Variants in ABCC9 observed in about 807,000 individuals in gnomAD.
The protein encoded by ABCC9 is ATP-binding cassette sub-family C member 9.
In ABCC9, 95 loss-of-function variants were observed where a neutral mutation model predicts 188.3. The observed-to-expected ratio is 0.50, with a 90% CI of 0.43 to 0.60. The LOEUF (loss-of-function observed/expected upper bound fraction) is 0.60. Ranked by LOEUF, ABCC9 falls within the 20% of genes least tolerant of loss-of-function variation. The pLI is 0.00. For missense variants in ABCC9, 1,102 were observed against 1,876.3 expected, an observed-to-expected ratio of 0.59 and a Z score of 7.62; for synonymous variants, 659 against 652.7, an observed-to-expected ratio of 1.01 and a Z score of -0.15.
chr12:21,912,485 A>G (rs1592217167), intron 8 of ABCC9, among the ~76,000 whole-genome samples: 1 of 152,152 alleles, frequency 6.6e-6, no homozygotes, highest in South Asian at 2.1e-4. Flanking sequence ...TCACATTGCT[A>G]GTATTATTGG....
chr12:21,799,998 T>C lies in ABCC9; in HGVS notation c.*1046A>G, dbSNP rs545746533. On this transcript the variant is annotated 3_prime_UTR_variant, in exon 40 of 40. Coordinates refer to ENST00000261200, the MANE Select transcript of ABCC9 (RefSeq NM_020297.4). ...ACATTAAAATTAGAGCAGGAGCAAA[T>C]GATCATGTGTGACACCATTGGGCAT... 6.6e-6 allele frequency: 1 copy of C among 152,324 alleles called. No individual in the cohort carries two copies. The highest frequency in any genetic ancestry group is 2.4e-5 in the African/African-American group (1 of 41,584). The allele number at this position is 152,324 out of a possible 1,614,324, so 9.4% of individuals were successfully genotyped here.
chr12:21,916,633 A>T (rs573782170), intron 6 of ABCC9, among the ~76,000 whole-genome samples: 3 of 152,214 alleles, frequency 2.0e-5, no homozygotes, highest in South Asian at 4.1e-4. Context: ...GAGACCAATC[A>T]TGGATGATTG....
intron 12 of ABCC9, among the ~76,000 whole-genome samples, chr12:21,896,980 T>C (rs182204757): frequency 6.6e-6 from 1 of 152,316 alleles, no homozygotes; most frequent in East Asian, 1.9e-4. Flanking sequence ...GTTCTAGGTT[T>C]TTGAGAAATC....
In ABCC9 at chr12:21,812,063, G is replaced by GA. The variant is rs730880370; in HGVS notation, c.4196dup (p.Ser1400GlnfsTer5). The GA allele has an allele frequency of 1.9e-5, 30 of 1,607,122 alleles. No homozygotes were observed. The highest frequency in any genetic ancestry group is 2.4e-5 in the Non-Finnish European group (28 of 1,173,958). Reference sequence around the variant, plus strand: ...ATGTTACCTACCTAATGGAACCACTGAATAGTATTGGATCCTGCAGAATGA... The same window carrying GA: ...ATGTTACCTACCTAATGGAACCACTGAAATAGTATTGGATCCTGCAGAATGA... On this transcript the variant is annotated frameshift_variant, in exon 36 of 40. Coordinates refer to ENST00000261200, the MANE Select transcript of ABCC9 (RefSeq NM_020297.4). LOFTEE classifies it high-confidence loss of function.
At chr12:21,810,677 A>G (rs555984270) in intron 36 of ABCC9, among the ~76,000 whole-genome samples, 1 of 152,288 alleles carries the variant, frequency 6.6e-6, no homozygotes, top group African/African-American at 2.4e-5. Context: ...CCCTCCCATG[A>G]CACTTGAGGA....
intron 31 of ABCC9, among the ~76,000 whole-genome samples, chr12:21,823,154 T>A (rs1024152651): frequency 5.3e-5 from 8 of 152,168 alleles, no homozygotes; most frequent in African/African-American, 1.9e-4. Context: ...TTATCTACAT[T>A]CAAAAGAGGG....
intron 30 of ABCC9, among the ~76,000 whole-genome samples, chr12:21,832,331 A>T (rs1222443313): frequency 1.3e-5 from 2 of 152,170 alleles, no homozygotes; most frequent in Admixed American, 1.3e-4. Flanking sequence ...TTAACTTTCC[A>T]AAGAGTTCAA....
chr12:21,807,111 G>T (rs1206029800), intron 38 of ABCC9, among the ~76,000 whole-genome samples: 1 of 152,098 alleles, frequency 6.6e-6, no homozygotes, highest in Non-Finnish European at 1.5e-5. Context: ...TTTTCAAAAA[G>T]TTGTGGCAAA....
Position 21,936,694 on chromosome 12 carries a change from T to C in ABCC9, c.-20A>G. On this transcript the variant is annotated splice_region_variant and 5_prime_UTR_variant, in exon 3 of 40. Transcript: ENST00000261200. ...GCTCATTTCTTCTTATATGGTTTAC[T>C]CTAAAAGGGAGAGAAATGAGAAAGA... 2 of 1,595,282 alleles carry C rather than the reference T, an allele frequency of 1.3e-6. No homozygotes were observed. Among genetic ancestry groups the C allele is most frequent in the Non-Finnish European group, 1.7e-6 (2 of 1,164,974 alleles).
In ABCC9 at chr12:21,809,936, AC is replaced by A; in HGVS notation, c.4230del (p.Glu1410AspfsTer13). 6.2e-7 allele frequency: 1 copy of A among 1,610,912 alleles called. No individual in the cohort carries two copies. The highest frequency in any genetic ancestry group is 8.5e-7 in the Non-Finnish European group (1 of 1,177,996). ...CAGAGTCTGTCATCTGTGCATTTGC[AC>A]TCTGGATCTAAATTAAATCTGTAGG... ...SGSIRFNLDP[E>X]CKCTDDRLWE... On this transcript the variant is annotated frameshift_variant, in exon 37 of 40. Coordinates refer to ENST00000261200, the MANE Select transcript of ABCC9 (RefSeq NM_020297.4). LOFTEE classifies it high-confidence loss of function.
chr12:21,914,208 C>G (rs992384156), intron 7 of ABCC9, among the ~76,000 whole-genome samples: 3 of 152,096 alleles, frequency 2.0e-5, no homozygotes, highest in Non-Finnish European at 2.9e-5. Context: ...GCTGTTTTAC[C>G]ATACTCTATT....
chr12:21,828,697 C>T, intron 31 of ABCC9: 1 of 458,444 alleles, frequency 2.2e-6, no homozygotes, highest in Non-Finnish European at 4.0e-6. Flanking sequence ...CAAATATTTG[C>T]CATTCCATTA....
At chr12:21,848,951 T>A (rs1944823821) in intron 24 of ABCC9, among the ~76,000 whole-genome samples, 1 of 152,146 alleles carries the variant, frequency 6.6e-6, no homozygotes, top group African/African-American at 2.4e-5. Flanking sequence ...GGTAGAATCA[T>A]TTCATTTTCT....
At chr12:21,928,362 A>C (rs1407972186) in intron 4 of ABCC9, among the ~76,000 whole-genome samples, 3 of 149,024 alleles carry the variant, frequency 2.0e-5, no homozygotes, top group African/African-American at 5.0e-5. Context: ...GAAAGAAAGA[A>C]AGAAAAAGAA....
At position 21,829,040 on chromosome 12, in the gene ABCC9, T is replaced by G; in HGVS notation, c.3587A>C (p.Gln1196Pro). The G allele has an allele frequency of 6.2e-7, 1 of 1,614,078 alleles. No homozygotes were observed. The highest frequency in any genetic ancestry group is 8.5e-7 in the Non-Finnish European group (1 of 1,179,954). Reference protein sequence around the residue: ...RAFRHETRFKQRMLELTDTNN... With the variant: ...RAFRHETRFKPRMLELTDTNN... ...TGTATCCGTCAGTTCCAGCATACGT[T>G]GTTTAAATCTGGTTTCATGCCTGCA... is the stretch of plus-strand genomic sequence containing the variant. Residue 1196 changes from glutamine to proline, a missense_variant, in exon 31 of 40, where the codon CAA becomes CCA. This residue lies in a region of ABCC9 where 143 missense variants were observed against 225.6 expected (regional missense o/e 0.63). Coordinates refer to ENST00000261200, the MANE Select transcript of ABCC9 (RefSeq NM_020297.4).
intron 24 of ABCC9, 120 bp from the exon 25 acceptor site, chr12:21,848,366 C>T (rs1944792145): frequency 2.4e-6 from 2 of 831,864 alleles, no homozygotes; most frequent in Non-Finnish European, 4.0e-6. Flanking sequence ...GCTCTGTGCT[C>T]ACTCTGGAGA....
At chr12:21,812,244 T>A (rs1478731580) in intron 35 of ABCC9, 87 bp from the exon 36 acceptor site, 2 of 1,059,550 alleles carry the variant, frequency 1.9e-6, no homozygotes, top group African/African-American at 3.2e-5. Flanking sequence ...TATTTCTTAG[T>A]TAGGGGTTGA....
chr12:21,845,908 A>G (rs1025704509), intron 25 of ABCC9, 76 bp from the exon 26 acceptor site: 8 of 1,047,732 alleles, frequency 7.6e-6, no homozygotes, highest in Non-Finnish European at 1.0e-5. Context: ...CACAAATAGT[A>G]TATAAACATT....
intron 39 of ABCC9, chr12:21,805,065 T>C: frequency 6.6e-7 from 1 of 1,520,432 alleles, no homozygotes; most frequent in Middle Eastern, 1.7e-4. Context: ...GTTAGTTCCC[T>C]CATCTCAGCC....
Sources: gnomAD v4.1 joint callset for allele counts (sites outside exome capture counted in the v4.1 genomes callset) on GRCh38, gnomAD v4.1.1 for gene constraint, gnomAD v4.1.1 regional missense constraint, MANE v1.5 for transcripts, NCBI Gene and HGNC (gene_info 2026-07-23, HGNC 2026-07-21) for gene names.